Variants in USP15 observed in about 807,000 individuals in gnomAD.
USP15 encodes the protein ubiquitin specific peptidase 15.
A neutral mutation model predicts 127.1 loss-of-function variants in USP15; 18 were observed. The observed-to-expected ratio is 0.14, with a 90% CI of 0.10 to 0.21. USP15 has a LOEUF of 0.21. Among genes scored for constraint, USP15 ranks in the 10% least tolerant of loss-of-function variants. The pLI is 1.00. For synonymous variants in USP15, 364 were observed against 393.7 expected (o/e 0.92, Z 0.89); for missense variants, 805 against 1,159.9 (o/e 0.69, Z 4.44).
intron 6 of USP15, among the ~76,000 whole-genome samples, chr12:62,341,723 T>C (rs541770876): frequency 6.6e-6 from 1 of 152,316 alleles, no homozygotes; most frequent in African/African-American, 2.4e-5. Flanking sequence ...CTCTTCTGGC[T>C]TGTAGGGTTT....
At chr12:62,396,258 A>G in intron 19 of USP15, 37 bp from the exon 20 acceptor site, 1 of 1,517,100 alleles carries the variant, frequency 6.6e-7, no homozygotes, top group Non-Finnish European at 8.9e-7. Context: ...GCATTTAGGG[A>G]CAACATAAAA....
chr12:62,368,370 T>C (rs1592681244), intron 8 of USP15, among the ~76,000 whole-genome samples: 1 of 152,288 alleles, frequency 6.6e-6, no homozygotes, highest in East Asian at 1.9e-4. Flanking sequence ...TCCTTGTTAA[T>C]TTTCTCTCTC....
intron 1 of USP15, among the ~76,000 whole-genome samples, chr12:62,291,800 A>G (rs2063977704): frequency 1.3e-5 from 2 of 152,160 alleles, no homozygotes; most frequent in African/African-American, 4.8e-5. Context: ...GGCTTTCTCA[A>G]ACATCAGGTG....
At chr12:62,382,765 C>T (rs1230201469) in intron 9 of USP15, among the ~76,000 whole-genome samples, 6 of 151,884 alleles carry the variant, frequency 4.0e-5, no homozygotes, top group African/African-American at 1.2e-4. Context: ...TGATACTCAT[C>T]CTCCTTTTGC....
chr12:62,339,100 C>T (rs1422732118), intron 6 of USP15, among the ~76,000 whole-genome samples: 2 of 151,748 alleles, frequency 1.3e-5, no homozygotes, highest in East Asian at 3.9e-4. Flanking sequence ...TGAAGAGGTC[C>T]TTCACGTCCA....
At chr12:62,299,655 G>A (rs1239686915) in intron 2 of USP15, among the ~76,000 whole-genome samples, 3 of 152,158 alleles carry the variant, frequency 2.0e-5, no homozygotes, top group African/African-American at 7.2e-5. Flanking sequence ...TAGATAATGT[G>A]TTTTCCTTTC....
chr12:62,335,991 C>T, intron 6 of USP15: 5 of 984,980 alleles, frequency 5.1e-6, no homozygotes, highest in Non-Finnish European at 6.0e-6. Context: ...AAATTGTGCA[C>T]AGCTCTAGGA....
chr12:62,382,623 G>A (rs1376342), intron 9 of USP15, among the ~76,000 whole-genome samples: 49,653 of 151,638 alleles, frequency 0.33, 8,581 homozygotes, highest in African/African-American at 0.45. Context: ...GGTTCTTTAT[G>A]TGTGACTTTT....
At position 62,396,035 on chromosome 12, in the gene USP15, A is replaced by G. The variant is rs77520172; in HGVS notation, c.2571-260A>G. 3.5e-3 allele frequency among the ~76,000 whole-genome samples: 538 copies of G among 152,158 alleles called. 4 individuals are homozygous for G. The highest frequency in any genetic ancestry group is 0.017 in the Middle Eastern group (5 of 292). ...TGCAGATATCTCTTCAGTATACTCA[A>G]TGAAGCATTTTAAAATTTTCAACCC... On this transcript the variant is annotated intron_variant, in intron 19 of 21. Coordinates refer to ENST00000280377, the MANE Select transcript of USP15 (RefSeq NM_001252078.2).
intron 9 of USP15, among the ~76,000 whole-genome samples, chr12:62,383,622 A>C (rs1024694315): frequency 6.6e-6 from 1 of 151,976 alleles, no homozygotes; most frequent in Non-Finnish European, 1.5e-5. Context: ...ACCTTGTTCA[A>C]CCCCAGCTGG....
intron 7 of USP15, among the ~76,000 whole-genome samples, chr12:62,353,727 A>T (rs559520471): frequency 3.3e-4 from 50 of 152,034 alleles, no homozygotes; most frequent in Non-Finnish European, 6.0e-4. Flanking sequence ...CCAAAGTTAG[A>T]TTCAATAATC....
intron 6 of USP15, among the ~76,000 whole-genome samples, chr12:62,329,000 T>C (rs2065207561): frequency 6.6e-6 from 1 of 152,340 alleles, no homozygotes; most frequent in African/African-American, 2.4e-5. Context: ...CTTTCAACTT[T>C]ATATGCAAAG....
intron 1 of USP15, among the ~76,000 whole-genome samples, chr12:62,287,899 A>C (rs1041173650): frequency 6.6e-6 from 1 of 152,078 alleles, no homozygotes; most frequent in African/African-American, 2.4e-5. Context: ...CAGTTGGCAA[A>C]GGTATGTGGC....
intron 17 of USP15, 138 bp from the exon 18 acceptor site, chr12:62,392,134 A>G (rs762527378): frequency 7.0e-5 from 50 of 715,070 alleles, no homozygotes; most frequent in Non-Finnish European, 3.3e-5. Context: ...TTAGAAGTAT[A>G]TAAATCTCAA....
intron 8 of USP15, among the ~76,000 whole-genome samples, chr12:62,378,983 A>G (rs1337883533): frequency 6.6e-6 from 1 of 152,112 alleles, no homozygotes; most frequent in Non-Finnish European, 1.5e-5. Flanking sequence ...GGAAATATAA[A>G]TAAGAATACC....
chr12:62,335,858 C>G, intron 6 of USP15: 1 of 985,350 alleles, frequency 1.0e-6, no homozygotes, highest in Non-Finnish European at 1.2e-6. Flanking sequence ...TAACCATCTT[C>G]TAAAGAAATT....
intron 8 of USP15, among the ~76,000 whole-genome samples, chr12:62,376,857 G>T (rs892339285): frequency 3.3e-5 from 5 of 152,076 alleles, no homozygotes; most frequent in African/African-American, 1.2e-4. Flanking sequence ...GGATAAAAGG[G>T]AAGTTTTCTA....
chr12:62,302,756 G>A, intron 2 of USP15, 34 bp from the exon 3 acceptor site: 4 of 1,583,720 alleles, frequency 2.5e-6, no homozygotes, highest in Non-Finnish European at 3.4e-6. Context: ...AAAGTATTTA[G>A]AGTTAGGTAT....
chr12:62,364,845 G>A (rs1475513117), intron 8 of USP15, among the ~76,000 whole-genome samples: 2 of 152,102 alleles, frequency 1.3e-5, no homozygotes, highest in African/African-American at 4.8e-5. Flanking sequence ...TGCTGAGAAT[G>A]ATGGTTTCCA....
Sources: gnomAD v4.1 joint callset for allele counts (sites outside exome capture counted in the v4.1 genomes callset) on GRCh38, gnomAD v4.1.1 for gene constraint, MANE v1.5 for transcripts, NCBI Gene and HGNC (gene_info 2026-07-23, HGNC 2026-07-21) for gene names.